SLCO3A1: variants seen among roughly 807,000 people sequenced by gnomAD.
SLCO3A1 encodes the protein PGE1 transporter.
In SLCO3A1, 27 loss-of-function variants were observed where a neutral mutation model predicts 63.1. That is an observed-to-expected ratio of 0.43 (90% CI 0.32 to 0.59). SLCO3A1 has a LOEUF of 0.59. Among genes scored for constraint, SLCO3A1 ranks in the 20% least tolerant of loss-of-function variants. SLCO3A1 has a pLI of 0.09. For synonymous variants in SLCO3A1, 473 were observed against 409.9 expected (o/e 1.15, Z -1.86); for missense variants, 773 against 945.8 (o/e 0.82, Z 2.40).
intron 2 of SLCO3A1, among the ~76,000 whole-genome samples, chr15:91,935,738 T>C (rs1287673784): frequency 6.6e-6 from 1 of 152,156 alleles, no homozygotes; most frequent in Non-Finnish European, 1.5e-5. Flanking sequence ...AGAGACTGAG[T>C]TGCTGAGCAG....
In SLCO3A1 at chr15:92,060,433, GCCTGTAAT is replaced by G. The variant is rs373409640; in HGVS notation, c.647-34445_647-34438del. 1.8e-4 allele frequency among the ~76,000 whole-genome samples: 28 copies of G among 151,724 alleles called. 1 individual carries two copies. Among genetic ancestry groups the G allele is most frequent in the Admixed American group, 9.2e-4 (14 of 15,282 alleles). On this transcript the variant is annotated intron_variant, in intron 2 of 9. Transcript: ENST00000318445. ...AAATTAGCTGGGCGCTGTGATGCACGCCTGTAATCCCAGCTACTCGGGAGGCTGAGGCA... is the reference window on the plus strand; with the variant it reads ...AAATTAGCTGGGCGCTGTGATGCACGCCCAGCTACTCGGGAGGCTGAGGCA...
chr15:92,097,634 G>C (rs549432846), intron 3 of SLCO3A1, among the ~76,000 whole-genome samples: 3 of 152,162 alleles, frequency 2.0e-5, no homozygotes, highest in South Asian at 2.1e-4. Flanking sequence ...CTGATGACAG[G>C]CTTCCCCACC....
intron 2 of SLCO3A1, among the ~76,000 whole-genome samples, chr15:92,016,456 A>G (rs965194216): frequency 1.3e-5 from 2 of 152,136 alleles, no homozygotes; most frequent in African/African-American, 4.8e-5. Context: ...CCCAGCCTGA[A>G]GAAGGCTTTG....
At position 91,961,008 on chromosome 15, in the gene SLCO3A1, A is replaced by G. The variant is rs543170003; in HGVS notation, c.646+44550A>G. 3.3e-5 allele frequency among the ~76,000 whole-genome samples: 5 copies of G among 152,254 alleles called. No homozygotes were observed. The East Asian group carries it at 9.6e-4, about 29-fold the overall frequency. On this transcript the variant is annotated intron_variant, in intron 2 of 9. Transcript: ENST00000318445. ...CTGTCAGACCATAGTCTGCTCAACC[A>G]TGAGGCTTTATTTTACTCCGCTCTC...
chr15:91,987,121 G>A (rs2046063619), intron 2 of SLCO3A1, among the ~76,000 whole-genome samples: 1 of 152,144 alleles, frequency 6.6e-6, no homozygotes, highest in Non-Finnish European at 1.5e-5. Flanking sequence ...CATTTTCTAG[G>A]AAGGTGATGC....
intron 2 of SLCO3A1, among the ~76,000 whole-genome samples, chr15:91,962,078 C>A (rs564924799): frequency 1.3e-4 from 20 of 152,252 alleles, no homozygotes; most frequent in South Asian, 8.3e-4. Flanking sequence ...ATCTCAGGCT[C>A]GCAGGGCCCA....
chr15:92,132,741 A>G (rs1244718470), intron 7 of SLCO3A1, among the ~76,000 whole-genome samples: 1 of 145,382 alleles, frequency 6.9e-6, no homozygotes, highest in African/African-American at 2.5e-5. Flanking sequence ...CCAGGCAACA[A>G]ATATTTATTG....
At chr15:92,021,566 C>T (rs1396600436) in intron 2 of SLCO3A1, among the ~76,000 whole-genome samples, 1 of 152,164 alleles carries the variant, frequency 6.6e-6, no homozygotes, top group East Asian at 1.9e-4. Flanking sequence ...CCGAGAACTT[C>T]CTACACTTAA....
At chr15:92,158,221 G>C (rs1386694734) in intron 9 of SLCO3A1, among the ~76,000 whole-genome samples, 1 of 152,126 alleles carries the variant, frequency 6.6e-6, no homozygotes, top group Non-Finnish European at 1.5e-5. Flanking sequence ...AACCCCCTGT[G>C]TGTTTCACCC....
chr15:91,982,342 C>T (rs1455702866), intron 2 of SLCO3A1, among the ~76,000 whole-genome samples: 1 of 152,252 alleles, frequency 6.6e-6, no homozygotes, highest in Non-Finnish European at 1.5e-5. Flanking sequence ...ACAGTCCAGC[C>T]TTGGCTCTGG....
chr15:91,981,699 G>A (rs1194544489), intron 2 of SLCO3A1, among the ~76,000 whole-genome samples: 2 of 152,122 alleles, frequency 1.3e-5, no homozygotes, highest in Non-Finnish European at 2.9e-5. Flanking sequence ...TTACAAAGAG[G>A]ACTGTATCCC....
chr15:92,058,312 T>A (rs2047045936), intron 2 of SLCO3A1, among the ~76,000 whole-genome samples: 1 of 152,146 alleles, frequency 6.6e-6, no homozygotes, highest in African/African-American at 2.4e-5. Context: ...GAGGCCTGTC[T>A]GTGAGTTCTA....
chr15:91,890,435 C>T (rs1040822816), intron 1 of SLCO3A1, among the ~76,000 whole-genome samples: 1 of 152,174 alleles, frequency 6.6e-6, no homozygotes, highest in African/African-American at 2.4e-5. Flanking sequence ...CTCTCTCTTA[C>T]AGAGACCTTG....
intron 1 of SLCO3A1, among the ~76,000 whole-genome samples, chr15:91,889,365 C>A (rs1033979605): frequency 2.6e-5 from 4 of 152,208 alleles, no homozygotes; most frequent in Non-Finnish European, 5.9e-5. Flanking sequence ...CCTTCAATTT[C>A]CCTGGGTCTC....
At chr15:92,105,192 G>A (rs903848075) in intron 4 of SLCO3A1, among the ~76,000 whole-genome samples, 1 of 151,976 alleles carries the variant, frequency 6.6e-6, no homozygotes, top group African/African-American at 2.4e-5. Flanking sequence ...CTTGATCCTG[G>A]GTTCAAGCTC....
intron 2 of SLCO3A1, among the ~76,000 whole-genome samples, chr15:91,922,185 C>T (rs1166159744): frequency 2.2e-5 from 3 of 134,908 alleles, no homozygotes; most frequent in Non-Finnish European, 4.8e-5. Flanking sequence ...GGCAGACACA[C>T]GCGCGTGCAC....
At chr15:92,059,712 C>G (rs1174137049) in intron 2 of SLCO3A1, among the ~76,000 whole-genome samples, 1 of 152,158 alleles carries the variant, frequency 6.6e-6, no homozygotes, top group East Asian at 1.9e-4. Flanking sequence ...GCAGGGGTCT[C>G]TACACTGAGG....
In SLCO3A1 at chr15:91,961,039, G is replaced by A. The variant is rs80125612; in HGVS notation, c.646+44581G>A. On this transcript the variant is annotated intron_variant, in intron 2 of 9. Coordinates refer to ENST00000318445, the MANE Select transcript of SLCO3A1 (RefSeq NM_013272.4). ...CTTTATTTTACTCCGCTCTCAGGAC[G>A]TTACTCTCTCCCTTGAGTGGCCCTT... is the stretch of plus-strand genomic sequence containing the variant. 3.9e-5 allele frequency among the ~76,000 whole-genome samples: 6 copies of A among 152,164 alleles called. No individual in the cohort carries two copies. In the South Asian group the frequency reaches 8.3e-4, roughly 21 times the overall value.
In SLCO3A1 at chr15:92,016,773, C is replaced by T. The variant is rs145862242; in HGVS notation, c.647-78108C>T. ...GGAGTGAGTGACAGATGGTCACAGT[C>T]ATAAAAGGAGGAGGAGGAGGGAAAG... is the stretch of plus-strand genomic sequence containing the variant. On this transcript the variant is annotated intron_variant, in intron 2 of 9. Coordinates refer to ENST00000318445, the MANE Select transcript of SLCO3A1 (RefSeq NM_013272.4). Among the ~76,000 whole-genome samples, 560 of 151,778 alleles carry T rather than the reference C, an allele frequency of 3.7e-3. 5 individuals are homozygous for T. Among genetic ancestry groups the T allele is most frequent in the African/African-American group, 0.013 (520 of 41,330 alleles).
Sources: allele counts gnomAD v4.1 joint callset (sites outside exome capture counted in the v4.1 genomes callset), GRCh38; gene constraint gnomAD v4.1.1; transcripts MANE v1.5; gene names NCBI Gene and HGNC (gene_info 2026-07-23, HGNC 2026-07-21).